PTPRD: variants seen among roughly 807,000 people sequenced by gnomAD.
The protein encoded by PTPRD is receptor-type tyrosine-protein phosphatase delta.
A neutral mutation model predicts 214.5 loss-of-function variants in PTPRD; 34 were observed. That is an observed-to-expected ratio of 0.16 (90% CI 0.12 to 0.21). The LOEUF (loss-of-function observed/expected upper bound fraction) is 0.21, where lower values mean the gene tolerates loss of function less well. Ranked by LOEUF, PTPRD falls within the 10% of genes least tolerant of loss-of-function variation. The pLI, the probability that PTPRD is intolerant of heterozygous loss-of-function variation, is 1.00. For synonymous variants in PTPRD, 1,128 were observed against 845.7 expected, an observed-to-expected ratio of 1.33 and a Z score of -5.79; for missense variants, 2,545 against 2,398.7, an observed-to-expected ratio of 1.06 and a Z score of -1.27.
chr9:8,680,947 A>G (rs1353034093), intron 12 of PTPRD, among the ~76,000 whole-genome samples: 1 of 152,182 alleles, frequency 6.6e-6, no homozygotes, highest in African/African-American at 2.4e-5. Context: ...CAGCAACACA[A>G]TGGAGGATAG....
chr9:8,335,176 C>T lies in PTPRD; in HGVS notation c.5380-3440G>A, dbSNP rs554821080. On this transcript the variant is annotated intron_variant, in intron 43 of 45. Coordinates refer to ENST00000381196, the MANE Select transcript of PTPRD (RefSeq NM_002839.4). Reference sequence around the variant, plus strand: ...GGCCAGCATCATCCTGATACCAAAACCTGGCAGAGACACAACAAAAAAGAA... The same window carrying T: ...GGCCAGCATCATCCTGATACCAAAATCTGGCAGAGACACAACAAAAAAGAA... 3.6e-3 allele frequency among the ~76,000 whole-genome samples: 548 copies of T among 151,948 alleles called. 1 individual carries two copies. Among genetic ancestry groups the T allele is most frequent in the Non-Finnish European group, 6.0e-3 (407 of 67,954 alleles).
At chr9:10,493,937 G>A (rs1177019406) in intron 2 of PTPRD, among the ~76,000 whole-genome samples, 1 of 151,916 alleles carries the variant, frequency 6.6e-6, no homozygotes, top group Non-Finnish European at 1.5e-5. Context: ...ACTAGCAAGT[G>A]AAGGTAGATG....
At chr9:8,713,895 G>GAAAA in intron 12 of PTPRD, 1 of 699,596 alleles carries the variant, frequency 1.4e-6, no homozygotes, top group African/African-American at 1.9e-5. Flanking sequence ...CGCCCCGGTG[G>GAAAA]AAAAAAAAAA....
chr9:9,960,951 A>G (rs1440516172), intron 4 of PTPRD, among the ~76,000 whole-genome samples: 1 of 152,164 alleles, frequency 6.6e-6, no homozygotes, highest in Non-Finnish European at 1.5e-5. Flanking sequence ...AATGAACTCA[A>G]ACAAATTTAC....
chr9:9,118,293 T>C (rs533784620), intron 10 of PTPRD, among the ~76,000 whole-genome samples: 1 of 152,344 alleles, frequency 6.6e-6, no homozygotes, highest in South Asian at 2.1e-4. Flanking sequence ...TGAGAATACA[T>C]GGTAAGCTTG....
chr9:8,633,013 A>G (rs1251131287), intron 14 of PTPRD, among the ~76,000 whole-genome samples: 1 of 152,028 alleles, frequency 6.6e-6, no homozygotes, highest in East Asian at 1.9e-4. Context: ...ATGCCAACAT[A>G]TAAAAGAGTA....
intron 10 of PTPRD, among the ~76,000 whole-genome samples, chr9:9,082,188 C>A (rs1299572054): frequency 6.6e-6 from 1 of 152,178 alleles, no homozygotes; most frequent in African/African-American, 2.4e-5. Flanking sequence ...CCCCAATGAA[C>A]ATCGATGCAA....
At chr9:9,645,139 C>T (rs2096110234) in intron 7 of PTPRD, among the ~76,000 whole-genome samples, 1 of 152,232 alleles carries the variant, frequency 6.6e-6, no homozygotes, top group African/African-American at 2.4e-5. Context: ...CTGGCTCCTG[C>T]ACCTGCTCAC....
rs570514250 is a variant in PTPRD at position 8,415,565 on chromosome 9, A to C, written c.4087-10905T>G. On this transcript the variant is annotated intron_variant, in intron 35 of 45. Transcript: ENST00000381196. ...TTTTTAATGCTTTGGAAGTAAAACC[A>C]TAGACCTATTGTTTGAGTATTACAC... 1.1e-4 allele frequency among the ~76,000 whole-genome samples: 12 copies of C among 111,046 alleles called. No individual in the cohort carries two copies. The South Asian group carries it at 4.6e-3, about 43-fold the overall frequency. The allele number at this position is 111,046 out of a possible 152,430, so 72.9% of individuals were successfully genotyped here.
At chr9:9,253,361 G>T (rs930125624) in intron 9 of PTPRD, among the ~76,000 whole-genome samples, 2 of 151,804 alleles carry the variant, frequency 1.3e-5, no homozygotes, top group Non-Finnish European at 2.9e-5. Context: ...TGCTGGCGTC[G>T]AGTCTAGAAA....
At chr9:9,463,955 T>C (rs2093908146) in intron 8 of PTPRD, among the ~76,000 whole-genome samples, 1 of 152,190 alleles carries the variant, frequency 6.6e-6, no homozygotes, top group South Asian at 2.1e-4. Context: ...TCACTCATCA[T>C]GACTGCATAA....
At chr9:9,573,855 G>A (rs1254107957) in intron 8 of PTPRD, among the ~76,000 whole-genome samples, 1 of 151,734 alleles carries the variant, frequency 6.6e-6, no homozygotes, top group Non-Finnish European at 1.5e-5. Context: ...AGAGATGGCT[G>A]TTATCTACGA....
chr9:8,415,001 A>G (rs1014905900), intron 35 of PTPRD, among the ~76,000 whole-genome samples: 15 of 150,938 alleles, frequency 9.9e-5, no homozygotes, highest in African/African-American at 3.4e-4. Context: ...AGTCTCTGCT[A>G]AAAAGTAAGT....
At chr9:8,677,883 G>T (rs185361041) in intron 12 of PTPRD, among the ~76,000 whole-genome samples, 1 of 152,226 alleles carries the variant, frequency 6.6e-6, no homozygotes, top group East Asian at 1.9e-4. Flanking sequence ...TGAATCAGAG[G>T]AAGGGGAAAG....
At chr9:8,968,376 G>A (rs569808603) in intron 11 of PTPRD, among the ~76,000 whole-genome samples, 24 of 152,012 alleles carry the variant, frequency 1.6e-4, no homozygotes, top group Non-Finnish European at 2.5e-4. Context: ...CACCAACAGT[G>A]TAAAAGTGTT....
chr9:9,196,385 A>G (rs2099938638), intron 9 of PTPRD, among the ~76,000 whole-genome samples: 1 of 152,206 alleles, frequency 6.6e-6, no homozygotes, highest in Non-Finnish European at 1.5e-5. Flanking sequence ...GAAATAATTC[A>G]GAAATGAACA....
At chr9:10,153,197 G>C (rs2099072522) in intron 3 of PTPRD, among the ~76,000 whole-genome samples, 1 of 151,918 alleles carries the variant, frequency 6.6e-6, no homozygotes, top group South Asian at 2.1e-4. Flanking sequence ...AAGCATGTGA[G>C]GTGATAGATA....
intron 34 of PTPRD, among the ~76,000 whole-genome samples, chr9:8,437,602 G>A (rs1437447371): frequency 1.3e-5 from 2 of 152,116 alleles, no homozygotes; most frequent in Non-Finnish European, 2.9e-5. Context: ...ATTTATAAAT[G>A]GCCACACTAA....
chr9:9,643,318 A>G (rs1459148756), intron 7 of PTPRD, among the ~76,000 whole-genome samples: 1 of 152,188 alleles, frequency 6.6e-6, no homozygotes, highest in Non-Finnish European at 1.5e-5. Flanking sequence ...ACTTAATCAG[A>G]ACCAGTTGCA....
Sources: gnomAD v4.1 joint callset for allele counts (sites outside exome capture counted in the v4.1 genomes callset) on GRCh38, gnomAD v4.1.1 for gene constraint, MANE v1.5 for transcripts, NCBI Gene and HGNC (gene_info 2026-07-23, HGNC 2026-07-21) for gene names.